Variants in BCAR3 observed in about 807,000 individuals in gnomAD.
BCAR3 encodes the protein BCAR3 adaptor protein, NSP family member.
BCAR3 carries 37 observed loss-of-function variants against 80.1 expected under a neutral mutation model. That is an observed-to-expected ratio of 0.46 (90% CI 0.36 to 0.61). The LOEUF is 0.61. Ranked by LOEUF, BCAR3 falls within the 20% of genes least tolerant of loss-of-function variation. The pLI is 0.00. For missense variants in BCAR3, 978 were observed against 1,068.2 expected (o/e 0.92, Z 1.18); for synonymous variants, 389 against 418.9 (o/e 0.93, Z 0.87).
At chr1:93,739,495 A>G (rs1651105117) in intron 2 of BCAR3, among the ~76,000 whole-genome samples, 1 of 152,238 alleles carries the variant, frequency 6.6e-6, no homozygotes, top group South Asian at 2.1e-4. Flanking sequence ...CCAAAAATGT[A>G]TAGTGTCATC....
At chr1:93,728,475 T>C (rs1445742421) in intron 2 of BCAR3, among the ~76,000 whole-genome samples, 1 of 152,212 alleles carries the variant, frequency 6.6e-6, no homozygotes, top group East Asian at 1.9e-4. Flanking sequence ...ACAGAGGGCT[T>C]TCTGTATCCT....
intron 2 of BCAR3, among the ~76,000 whole-genome samples, chr1:93,651,805 C>T (rs1283058677): frequency 6.6e-6 from 1 of 152,190 alleles, no homozygotes; most frequent in African/African-American, 2.4e-5. Flanking sequence ...CTCCCTTCCC[C>T]TCCCCCTTTT....
At chr1:93,616,633 C>T (rs771586497) in intron 3 of BCAR3, among the ~76,000 whole-genome samples, 3 of 152,240 alleles carry the variant, frequency 2.0e-5, no homozygotes, top group Non-Finnish European at 4.4e-5. Flanking sequence ...AAACCTGTTA[C>T]TCACACAGCC....
intron 3 of BCAR3, among the ~76,000 whole-genome samples, chr1:93,628,679 A>T (rs528771823): frequency 2.6e-5 from 4 of 151,850 alleles, no homozygotes; most frequent in African/African-American, 9.7e-5. Context: ...CCTTACTCCA[A>T]CTTTCATAGC....
At chr1:93,676,408 G>A (rs930724387) in intron 1 of BCAR3, among the ~76,000 whole-genome samples, 6 of 152,198 alleles carry the variant, frequency 3.9e-5, no homozygotes, top group Non-Finnish European at 5.9e-5. Context: ...AGTCCTGGGG[G>A]TGAGATGGAA....
intron 2 of BCAR3, among the ~76,000 whole-genome samples, chr1:93,812,036 T>C (rs968554745): frequency 6.6e-6 from 1 of 152,200 alleles, no homozygotes; most frequent in Admixed American, 6.6e-5. Context: ...CTTTTGAAGA[T>C]GTTCATATGA....
chr1:93,713,415 T>G (rs1650093695), intron 2 of BCAR3, among the ~76,000 whole-genome samples: 1 of 152,200 alleles, frequency 6.6e-6, no homozygotes, highest in African/African-American at 2.4e-5. Flanking sequence ...TTCCTGGACC[T>G]CTGCCTTCCA....
Position 93,582,713 on chromosome 1 carries a change from G to A in BCAR3, c.1274C>T (p.Ser425Leu). Residue 425 changes from serine (S) to leucine (L), a missense_variant, in exon 7 of 12, where the codon TCA becomes TTA. Physicochemically the swap from Ser to Leu is moderately radical, Grantham distance 145. Coordinates refer to ENST00000260502, the MANE Select transcript of BCAR3 (RefSeq NM_003567.4). ...GTTCAGTTCACAGTAGTTGGCCTCT[G>A]AGTTGAGCCAGGCAGAGGGAGACGA... ...VPSSPSAWLN[S>L]EANYCELNPA... is the part of the protein sequence containing the mutation. 1 of 1,614,180 alleles carries A rather than the reference G, an allele frequency of 6.2e-7. No individual in the cohort carries two copies. The highest frequency in any genetic ancestry group is 8.5e-7 in the Non-Finnish European group (1 of 1,180,028).
At chr1:93,567,009 T>C (rs1672979573) in intron 11 of BCAR3, among the ~76,000 whole-genome samples, 1 of 152,198 alleles carries the variant, frequency 6.6e-6, no homozygotes, top group Non-Finnish European at 1.5e-5. Flanking sequence ...ATTACAGGCT[T>C]GAACCACCAC....
intron 11 of BCAR3, among the ~76,000 whole-genome samples, chr1:93,564,505 C>G (rs550388735): frequency 6.6e-6 from 1 of 151,306 alleles, no homozygotes; most frequent in Non-Finnish European, 1.5e-5. Flanking sequence ...CTTGAACTCC[C>G]GACCTCAGGT....
chr1:93,831,307 C>T (rs892332766), intron 2 of BCAR3, among the ~76,000 whole-genome samples: 5 of 152,116 alleles, frequency 3.3e-5, no homozygotes, highest in African/African-American at 9.7e-5. Flanking sequence ...CCCTCCATTC[C>T]CCCTTCTTCT....
chr1:93,736,453 C>T lies in BCAR3; in HGVS notation c.-62-30311G>A, dbSNP rs567498942. 3.3e-5 allele frequency among the ~76,000 whole-genome samples: 5 copies of T among 152,212 alleles called. No individual in the cohort carries two copies. The South Asian group carries it at 1.0e-3, about 32-fold the overall frequency. ...CTGCCCGCCTTGGCCTCCCAAAGTG[C>T]TGGGATTACAGGCGTGAGCCACCGT... On this transcript the variant is annotated intron_variant, in intron 2 of 13. Transcript: ENST00000370244.
Position 93,657,553 on chromosome 1 carries a change from G to T in BCAR3, c.318-15210C>A, listed in dbSNP as rs184636357. On this transcript the variant is annotated intron_variant, in intron 2 of 11. Coordinates refer to ENST00000260502, the MANE Select transcript of BCAR3 (RefSeq NM_003567.4). ...GTATTGACAAACCAAATCCAAGAATGTATAAAATATATATCATAATCAAAT... is the reference window on the plus strand; with the variant it reads ...GTATTGACAAACCAAATCCAAGAATTTATAAAATATATATCATAATCAAAT... 5.3e-5 allele frequency among the ~76,000 whole-genome samples: 8 copies of T among 152,134 alleles called. No homozygotes were observed. The East Asian group carries it at 1.5e-3, about 29-fold the overall frequency.
intron 2 of BCAR3, among the ~76,000 whole-genome samples, chr1:93,828,822 A>G (rs1039872705): frequency 1.3e-5 from 2 of 152,112 alleles, no homozygotes; most frequent in African/African-American, 4.8e-5. Context: ...CCTCCCAAGT[A>G]GCTAGGACTA....
At chr1:93,754,524 C>G (rs1214372535) in intron 2 of BCAR3, among the ~76,000 whole-genome samples, 2 of 152,160 alleles carry the variant, frequency 1.3e-5, no homozygotes, top group African/African-American at 4.8e-5. Flanking sequence ...TTTTTTATCT[C>G]CATTGTGCAG....
chr1:93,605,313 T>C (rs2101871590), intron 3 of BCAR3: 1 of 152,334 alleles, frequency 6.6e-6, no homozygotes, highest in African/African-American at 2.4e-5. Context: ...TAAACACCAG[T>C]CCAACCTACT....
intron 3 of BCAR3, among the ~76,000 whole-genome samples, chr1:93,695,036 T>A (rs1557657244): frequency 6.6e-6 from 1 of 152,142 alleles, no homozygotes. Flanking sequence ...TCTGCCCACA[T>A]TCCCCTCGCC....
intron 3 of BCAR3, among the ~76,000 whole-genome samples, chr1:93,686,982 A>G (rs74101669): frequency 0.026 from 3,957 of 152,284 alleles, 181 homozygotes; most frequent in African/African-American, 0.089. Context: ...AATGTGCCTT[A>G]CAGCACCCTC....
intron 2 of BCAR3, among the ~76,000 whole-genome samples, chr1:93,815,881 C>G (rs1029968342): frequency 6.6e-6 from 1 of 152,138 alleles, no homozygotes; most frequent in South Asian, 2.1e-4. Flanking sequence ...AGAATGCTGC[C>G]GTGGTCAGGG....
Sources: gnomAD v4.1 joint callset for allele counts (sites outside exome capture counted in the v4.1 genomes callset) on GRCh38, gnomAD v4.1.1 for gene constraint, MANE v1.5 for transcripts, NCBI Gene and HGNC (gene_info 2026-07-23, HGNC 2026-07-21) for gene names.